Variants in RTN4R observed in about 807,000 individuals in gnomAD.
RTN4R encodes the protein reticulon 4 receptor, also known as reticulon-4 receptor.
A neutral mutation model predicts 27.7 loss-of-function variants in RTN4R; 4 were observed. The ratio of observed to expected loss-of-function variants is 0.14; its 90% CI spans 0.07 to 0.33. RTN4R has a LOEUF of 0.33. RTN4R is among the 10% of genes least tolerant of loss of function. The probability of loss-of-function intolerance (pLI) is 1.00; values close to 1 mark genes in which losing one functional copy is unlikely to be tolerated. For missense variants in RTN4R, 554 were observed against 671.5 expected, an observed-to-expected ratio of 0.83 and a Z score of 1.93; for synonymous variants, 290 against 305.6, an observed-to-expected ratio of 0.95 and a Z score of 0.53.
chr22:20,248,775 A>T (rs144338278), intron 1 of RTN4R, among the ~76,000 whole-genome samples: 131 of 152,302 alleles, frequency 8.6e-4, no homozygotes, highest in African/African-American at 3.0e-3. Context: ...TGTTGGCAGG[A>T]GCCCAGGAGC....
chr22:20,250,983 A>G (rs2051173377), intron 1 of RTN4R, among the ~76,000 whole-genome samples: 1 of 152,200 alleles, frequency 6.6e-6, no homozygotes, highest in South Asian at 2.1e-4. Flanking sequence ...TTCAGAGGAG[A>G]CAAATCCAGT....
chr22:20,260,682 A>G (rs920290837), intron 1 of RTN4R, among the ~76,000 whole-genome samples: 2 of 151,896 alleles, frequency 1.3e-5, no homozygotes, highest in African/African-American at 4.8e-5. Flanking sequence ...ACCCCGCCCT[A>G]CCACAACTGA....
intron 1 of RTN4R, among the ~76,000 whole-genome samples, chr22:20,248,641 C>T (rs553897650): frequency 3.9e-5 from 6 of 152,286 alleles, no homozygotes; most frequent in East Asian, 3.9e-4. Flanking sequence ...GCCGAGGAGC[C>T]GGGTCCCAGG....
chr22:20,243,288 A>G, intron 1 of RTN4R, 178 bp from the exon 2 acceptor site: 4 of 688,934 alleles, frequency 5.8e-6, no homozygotes, highest in Non-Finnish European at 1.0e-5. Flanking sequence ...CACAGGCCTC[A>G]TGGACGATGC....
chr22:20,247,068 G>A (rs765324165), intron 1 of RTN4R, among the ~76,000 whole-genome samples: 61 of 152,172 alleles, frequency 4.0e-4, no homozygotes, highest in Non-Finnish European at 6.3e-4. Context: ...AATGGGGGAG[G>A]GTGTGGAGGG....
chr22:20,266,534 C>T (rs2051277595), intron 1 of RTN4R, among the ~76,000 whole-genome samples: 2 of 152,238 alleles, frequency 1.3e-5, no homozygotes, highest in African/African-American at 4.8e-5. Flanking sequence ...AGCCAAGCTG[C>T]AGCGGCCACC....
chr22:20,264,525 A>C (rs1253882433), intron 1 of RTN4R, among the ~76,000 whole-genome samples: 2 of 152,204 alleles, frequency 1.3e-5, no homozygotes, highest in African/African-American at 4.8e-5. Context: ...ACACCCCTTG[A>C]TTTGCCTGGC....
In RTN4R at chr22:20,268,283, A is replaced by C. The variant is rs1367114013; in HGVS notation, c.-191T>G. ...CGGGCCGCGGGTGCGCAGGGCGCGCAGGGCGCACAGGGCGAGGGCGGCGGC... is the reference window on the plus strand; with the variant it reads ...CGGGCCGCGGGTGCGCAGGGCGCGCCGGGCGCACAGGGCGAGGGCGGCGGC... On this transcript the variant is annotated 5_prime_UTR_variant, in exon 1 of 2. Transcript: ENST00000043402. 22 of 6,124 alleles carry C rather than the reference A, an allele frequency of 3.6e-3. No individual in the cohort carries two copies. Among genetic ancestry groups the C allele is most frequent in the East Asian group, 7.0e-3 (1 of 142 alleles). The allele number at this position is 6,124 out of a possible 1,614,324, so 0.4% of individuals were successfully genotyped here.
intron 1 of RTN4R, among the ~76,000 whole-genome samples, chr22:20,264,862 G>T (rs778851297): frequency 8.5e-5 from 13 of 152,178 alleles, no homozygotes; most frequent in Non-Finnish European, 1.2e-4. Context: ...GGGGCGGGAC[G>T]GCATGAACCT....
At chr22:20,261,369 G>A (rs769066782) in intron 1 of RTN4R, among the ~76,000 whole-genome samples, 7 of 152,334 alleles carry the variant, frequency 4.6e-5, no homozygotes, top group East Asian at 1.9e-4. Flanking sequence ...AGGAAAGGGC[G>A]TGCAAGGGGC....
chr22:20,241,618 C>G lies in RTN4R; in HGVS notation c.*93G>C. The G allele has an allele frequency of 7.0e-7, 1 of 1,436,406 alleles. No individual in the cohort carries two copies. Among genetic ancestry groups the G allele is most frequent in the Non-Finnish European group, 9.5e-7 (1 of 1,051,324 alleles). 89.0% of individuals were successfully genotyped at this position (1,436,406 alleles called of 1,614,324 possible). A position where few individuals can be genotyped will look rare whatever the true frequency, so the allele number is the denominator to read the frequency against. Reference sequence around the variant, plus strand: ...GGAGGACCTGGCCTGGCCTGCCCCACGGGTCGGCCGCCCGGCTGGCTTGGC... The same window carrying G: ...GGAGGACCTGGCCTGGCCTGCCCCAGGGGTCGGCCGCCCGGCTGGCTTGGC... On this transcript the variant is annotated 3_prime_UTR_variant, in exon 2 of 2. Coordinates refer to ENST00000043402, the MANE Select transcript of RTN4R (RefSeq NM_023004.6).
intron 1 of RTN4R, among the ~76,000 whole-genome samples, chr22:20,249,455 C>T (rs1366283288): frequency 6.6e-6 from 1 of 152,216 alleles, no homozygotes; most frequent in Non-Finnish European, 1.5e-5. Flanking sequence ...CAAGGCTGAC[C>T]ACTGCCTGTG....
At position 20,242,147 on chromosome 22, in the gene RTN4R, G is replaced by C. The variant is rs757507039; in HGVS notation, c.986C>G (p.Pro329Arg). Residue 329 changes from proline (P) to arginine (R), a missense_variant, in exon 2 of 2, where the codon CCG becomes CGG. By Grantham distance (103) the Pro-to-Arg change is moderately radical. Transcript: ENST00000043402. ...IWTGRATDEEPLGLPKCCQPD... is the reference protein window; with the variant it reads ...IWTGRATDEERLGLPKCCQPD... ...CTGGCAGCACTTGGGAAGCCCCAGCGGCTCCTCATCGGTGGCCCTGCCGGT... is the reference window on the plus strand; with the variant it reads ...CTGGCAGCACTTGGGAAGCCCCAGCCGCTCCTCATCGGTGGCCCTGCCGGT... The C allele has an allele frequency of 6.2e-7, 1 of 1,612,230 alleles. No homozygotes were observed. The highest frequency in any genetic ancestry group is 1.1e-5 in the South Asian group (1 of 91,042).
rs573452462 is a variant in RTN4R at position 20,246,602 on chromosome 22, G to A, written c.23-3492C>T. On this transcript the variant is annotated intron_variant, in intron 1 of 1. Transcript: ENST00000043402. Reference sequence around the variant, plus strand: ...GTCAGCAGCTCACCCCAGCAGCCCAGGGAGCTGAGCCGAGCCGAGCAGGGA... The same window carrying A: ...GTCAGCAGCTCACCCCAGCAGCCCAAGGAGCTGAGCCGAGCCGAGCAGGGA... Among the ~76,000 whole-genome samples, 14 of 152,336 alleles carry A rather than the reference G, an allele frequency of 9.2e-5. No individual in the cohort carries two copies. The South Asian group carries it at 2.9e-3, about 32-fold the overall frequency.
rs376682121 is a variant in RTN4R at position 20,246,443 on chromosome 22, C to G, written c.23-3333G>C. 7.2e-5 allele frequency among the ~76,000 whole-genome samples: 7 copies of G among 97,200 alleles called. No individual in the cohort carries two copies. The East Asian group carries it at 2.3e-3, about 32-fold the overall frequency. 63.8% of individuals were successfully genotyped at this position (97,200 alleles called of 152,430 possible). ...ACGTTCACTGCAGGAGGGAGTGTGG[C>G]GGGGGGAGGAGGAGGTGGGAGGAGA... On this transcript the variant is annotated intron_variant, in intron 1 of 1. Coordinates refer to ENST00000043402, the MANE Select transcript of RTN4R (RefSeq NM_023004.6).
intron 1 of RTN4R, 135 bp from the exon 2 acceptor site, chr22:20,243,245 C>A: frequency 2.5e-6 from 2 of 810,820 alleles, no homozygotes; most frequent in East Asian, 2.7e-5. Context: ...GTGGCCACCA[C>A]CCCCGGGAAT....
Position 20,242,237 on chromosome 22 carries a change from T to C in RTN4R, c.896A>G (p.Lys299Arg). The C allele has an allele frequency of 6.2e-7, 1 of 1,603,298 alleles. No homozygotes were observed. ...CTGCAGGTCATTGGCAGCTAGGCGT[T>C]TGAGGTCACGGCCAGCCAGGCGTTG... ...LPQRLAGRDL[K>R]RLAANDLQGC... The change falls in exon 2 of 2, where the codon AAA (lysine) becomes AGA (arginine). Residue 299 changes from lysine to arginine, a missense_variant. Lys to Arg is a conservative substitution (Grantham distance 26). Transcript: ENST00000043402.
At chr22:20,249,301 C>T (rs1461687004) in intron 1 of RTN4R, 2 of 486,732 alleles carry the variant, frequency 4.1e-6, no homozygotes, top group African/African-American at 3.9e-5. Context: ...ATACACCTGC[C>T]TCCCATGCCC....
chr22:20,243,232 G>T, intron 1 of RTN4R, 122 bp from the exon 2 acceptor site: 1 of 944,722 alleles, frequency 1.1e-6, no homozygotes, highest in Non-Finnish European at 1.6e-6. Flanking sequence ...CTGGGTCCAA[G>T]ATGTGGCCAC....
Sources: gnomAD v4.1 joint callset for allele counts (sites outside exome capture counted in the v4.1 genomes callset) on GRCh38, gnomAD v4.1.1 for gene constraint, MANE v1.5 for transcripts, NCBI Gene and HGNC (gene_info 2026-07-23, HGNC 2026-07-21) for gene names.